FASTKD2: variants seen among roughly 807,000 people sequenced by gnomAD.
FASTKD2 encodes FAST kinase domains 2.
In FASTKD2, 51 loss-of-function variants were observed where a neutral mutation model predicts 63.6. The ratio of observed to expected loss-of-function variants is 0.80; its 90% CI spans 0.64 to 1.01. FASTKD2 has a LOEUF of 1.01. Among genes scored for constraint, FASTKD2 ranks in the 50% least tolerant of loss-of-function variants. The pLI is 0.00. For missense variants in FASTKD2, 786 were observed against 831.1 expected, an observed-to-expected ratio of 0.95 and a Z score of 0.67; for synonymous variants, 284 against 293.4, an observed-to-expected ratio of 0.97 and a Z score of 0.33.
chr2:206,772,484 G>A (rs1292753768), intron 6 of FASTKD2, among the ~76,000 whole-genome samples, 164 bp downstream of exon 6: 2 of 152,078 alleles, frequency 1.3e-5, no homozygotes, highest in African/African-American at 4.8e-5. Flanking sequence ...TCCTGTCTGG[G>A]GGCTACTTGC....
chr2:206,781,280 G>A (rs1019214455), intron 7 of FASTKD2, among the ~76,000 whole-genome samples: 2 of 151,088 alleles, frequency 1.3e-5, no homozygotes, highest in African/African-American at 4.9e-5. Flanking sequence ...AGAGATTCTG[G>A]GGGCCTCTTA....
At position 206,787,938 on chromosome 2, in the gene FASTKD2, T is replaced by A; in HGVS notation, c.1596T>A (p.Asp532Glu). ...TATACTCTCTTTTTCATCTTTTAGA[T>A]GACATGAAGAATGCTTACAAGCTGC... is the stretch of plus-strand genomic sequence containing the variant. ...KDIISELLTS[D>E]DMKNAYKLHT... Residue 532 changes from aspartate (D) to glutamate (E), a missense_variant and splice_region_variant, in exon 9 of 12, where the codon GAT becomes GAA. Transcript: ENST00000402774. 1.3e-6 allele frequency: 2 copies of A among 1,576,122 alleles called. No individual in the cohort carries two copies. The highest frequency in any genetic ancestry group is 1.7e-6 in the Non-Finnish European group (2 of 1,145,852).
chr2:206,785,031 T>C (rs1181125073), intron 7 of FASTKD2, among the ~76,000 whole-genome samples: 1 of 152,192 alleles, frequency 6.6e-6, no homozygotes, highest in East Asian at 1.9e-4. Context: ...CAGTTCCACA[T>C]GGCTGGGGAG....
At position 206,793,038 on chromosome 2, in the gene FASTKD2, A is replaced by G. The variant is rs1690331347; in HGVS notation, c.*1236A>G. On this transcript the variant is annotated 3_prime_UTR_variant, in exon 12 of 12. Coordinates refer to ENST00000402774, the MANE Select transcript of FASTKD2 (RefSeq NM_001136193.2). The stretch of plus-strand genomic sequence containing the variant: ...GGAGGTCAAGACAATCCTGGCCAAC[A>G]CGGTGAAACCCCATCTCTACTAAAA... Among the ~76,000 whole-genome samples the G allele has an allele frequency of 6.6e-6, 1 of 152,088 alleles. No individual in the cohort carries two copies. The highest frequency in any genetic ancestry group is 2.1e-4 in the South Asian group (1 of 4,830).
intron 7 of FASTKD2, among the ~76,000 whole-genome samples, chr2:206,780,957 CT>C (rs1272161124): frequency 6.6e-6 from 1 of 151,970 alleles, no homozygotes; most frequent in African/African-American, 2.4e-5. Flanking sequence ...CTGTTTAGTT[CT>C]TTCTATAGTT....
chr2:206,765,850 A>T (rs1689427312), intron 1 of FASTKD2, 103 bp downstream of exon 1: 1 of 152,410 alleles, frequency 6.6e-6, no homozygotes, highest in African/African-American at 2.4e-5. Flanking sequence ...GTTGTATAAG[A>T]TCTTCCTCTT....
chr2:206,784,468 G>A (rs149446437), intron 7 of FASTKD2, among the ~76,000 whole-genome samples: 4 of 152,208 alleles, frequency 2.6e-5, no homozygotes, highest in African/African-American at 9.7e-5. Flanking sequence ...ATGGCCCATC[G>A]GGGAGAGGGT....
intron 7 of FASTKD2, among the ~76,000 whole-genome samples, chr2:206,777,515 A>G (rs1422164973): frequency 6.6e-6 from 1 of 152,140 alleles, no homozygotes; most frequent in Non-Finnish European, 1.5e-5. Context: ...CATCCCAGGG[A>G]TAAACCCCTT....
In FASTKD2 at chr2:206,794,123, T is replaced by TACAC. The variant is rs10655467; in HGVS notation, c.*2333_*2336dup. On this transcript the variant is annotated 3_prime_UTR_variant, in exon 12 of 12. Transcript: ENST00000402774. The stretch of plus-strand genomic sequence containing the variant: ...ACCGTTAGGTCAGTTTTGACGTACA[T>TACAC]ACACACACACACACATCTGTGAAAC... Among the ~76,000 whole-genome samples, 136 of 151,530 alleles carry TACAC rather than the reference T, an allele frequency of 9.0e-4. No homozygotes were observed. Among genetic ancestry groups the TACAC allele is most frequent in the Non-Finnish European group, 1.5e-3 (99 of 67,798 alleles).
At chr2:206,770,052 C>A in intron 2 of FASTKD2, 39 bp from the exon 3 acceptor site, 1 of 1,283,006 alleles carries the variant, frequency 7.8e-7, no homozygotes, top group Non-Finnish European at 1.1e-6. Context: ...TTACTATGGG[C>A]TCATCACCTG....
chr2:206,773,041 G>A (rs543694442), intron 6 of FASTKD2, among the ~76,000 whole-genome samples: 4 of 152,238 alleles, frequency 2.6e-5, no homozygotes, highest in South Asian at 2.1e-4. Flanking sequence ...TGGGCTGGGC[G>A]CGGTGGCTCA....
chr2:206,776,772 C>T (rs190574596), intron 7 of FASTKD2, among the ~76,000 whole-genome samples: 41 of 151,948 alleles, frequency 2.7e-4, no homozygotes, highest in Middle Eastern at 6.8e-3. Context: ...ATTGCTTTGG[C>T]AGTTCAGATT....
Position 206,786,882 on chromosome 2 carries a change from G to A in FASTKD2, c.1577G>A (p.Ser526Asn), listed in dbSNP as rs1425530012. Residue 526 changes from serine to asparagine, a missense_variant, in exon 8 of 12, where the codon AGT becomes AAT. Coordinates refer to ENST00000402774, the MANE Select transcript of FASTKD2 (RefSeq NM_001136193.2). ...CAGCTTCTGCAAAAAGACATCATCA[G>A]TGAGCTGCTGACATCAGGTAGGATG... ...FNQLLQKDII[S>N]ELLTSDDMKN... 4.3e-6 allele frequency: 7 copies of A among 1,609,584 alleles called. No homozygotes were observed. The African/African-American group carries it at 8.0e-5, about 18-fold the overall frequency.
intron 10 of FASTKD2, chr2:206,789,345 G>A (rs543102055): frequency 5.6e-6 from 1 of 179,054 alleles, no homozygotes; most frequent in East Asian, 1.6e-4. Flanking sequence ...TAATTAAACT[G>A]TATTTGTATG....
At chr2:206,774,510 T>C in intron 7 of FASTKD2, 113 bp downstream of exon 7, 2 of 721,656 alleles carry the variant, frequency 2.8e-6, no homozygotes. Flanking sequence ...TCATCATCCA[T>C]GCCAATAAAT....
At chr2:206,779,383 G>A (rs143263043) in intron 7 of FASTKD2, among the ~76,000 whole-genome samples, 15 of 151,954 alleles carry the variant, frequency 9.9e-5, no homozygotes, top group Non-Finnish European at 1.6e-4. Flanking sequence ...CTATTCTCAC[G>A]TTGCTATACT....
chr2:206,773,316 CAAAAA>C (rs869141094), intron 6 of FASTKD2, among the ~76,000 whole-genome samples: 6 of 68,138 alleles, frequency 8.8e-5, no homozygotes, highest in African/African-American at 2.4e-4. Context: ...AACTCTGTCT[CAAAAA>C]AAAAAAAAAA....
At chr2:206,784,594 A>G (rs982598027) in intron 7 of FASTKD2, among the ~76,000 whole-genome samples, 1 of 152,042 alleles carries the variant, frequency 6.6e-6, no homozygotes, top group Non-Finnish European at 1.5e-5. Context: ...TTACCACCTT[A>G]TGGATAATCC....
At position 206,774,015 on chromosome 2, in the gene FASTKD2, GC is replaced by G. The variant is rs1398148463; in HGVS notation, c.1255-209del. Among the ~76,000 whole-genome samples, 8 of 152,188 alleles carry G rather than the reference GC, an allele frequency of 5.3e-5. 1 individual carries two copies. In the South Asian group the frequency reaches 1.5e-3, roughly 28 times the overall value. ...CCTGGTTCTCAGCTTAAAAAAGATT[GC>G]TTATTAACTTGATACCCAATTCAAG... On this transcript the variant is annotated intron_variant, in intron 6 of 11. Coordinates refer to ENST00000402774, the MANE Select transcript of FASTKD2 (RefSeq NM_001136193.2).
Sources: gnomAD v4.1 joint callset for allele counts (sites outside exome capture counted in the v4.1 genomes callset) on GRCh38, gnomAD v4.1.1 for gene constraint, MANE v1.5 for transcripts, NCBI Gene and HGNC (gene_info 2026-07-23, HGNC 2026-07-21) for gene names.